The following CHRM5 variants were observed in gnomAD, a reference collection of about 807,000 sequenced individuals.
CHRM5 encodes the protein cholinergic receptor muscarinic 5, also known as muscarinic acetylcholine receptor M5.
A neutral mutation model predicts 39.0 loss-of-function variants in CHRM5; 18 were observed. That is an observed-to-expected ratio of 0.46 (90% CI 0.32 to 0.68). CHRM5 has a LOEUF of 0.68. Ranked by LOEUF, CHRM5 falls within the 30% of genes least tolerant of loss-of-function variation. The probability of loss-of-function intolerance (pLI) is 0.04; values close to 1 mark genes in which losing one functional copy is unlikely to be tolerated. For missense variants in CHRM5, 515 were observed against 651.1 expected (o/e 0.79, Z 2.28); for synonymous variants, 241 against 246.3 (o/e 0.98, Z 0.20).
Position 34,064,247 on chromosome 15 carries a change from T to C in CHRM5, c.1530T>C (p.Leu510=). The C allele has an allele frequency of 6.2e-6, 10 of 1,614,118 alleles. No individual in the cohort carries two copies. The highest frequency in any genetic ancestry group is 8.5e-6 in the Non-Finnish European group (10 of 1,180,026). ...TCAGGAAGACCTTTAAGATGCTGCT[T>C]CTCTGCCGATGGAAAAAGAAAAAAG... ...RTFRKTFKML[L]LCRWKKKKVE... Residue 510 remains leucine, a synonymous_variant, in exon 3 of 3, where the codon CTT becomes CTC. Transcript: ENST00000383263.
intron 1 of CHRM5, among the ~76,000 whole-genome samples, chr15:33,986,544 G>C (rs1378474031): frequency 6.6e-6 from 1 of 152,146 alleles, no homozygotes; most frequent in Non-Finnish European, 1.5e-5. Context: ...CAAGCTTTCT[G>C]AAACTTAATG....
At chr15:34,017,639 C>G (rs1179546877) in intron 1 of CHRM5, among the ~76,000 whole-genome samples, 1 of 151,972 alleles carries the variant, frequency 6.6e-6, no homozygotes, top group Admixed American at 6.6e-5. Flanking sequence ...GCCACCACAC[C>G]CAGCTAATTT....
At chr15:34,031,169 T>TA (rs1555518494) in intron 1 of CHRM5, among the ~76,000 whole-genome samples, 2 of 1,144 alleles carry the variant, frequency 1.7e-3, no homozygotes, top group African/African-American at 4.1e-3. Context: ...CTTAGGTTAA[T>TA]TTTTTTTTTT....
At chr15:34,030,645 T>C (rs1029573629) in intron 1 of CHRM5, among the ~76,000 whole-genome samples, 1 of 152,020 alleles carries the variant, frequency 6.6e-6, no homozygotes, top group African/African-American at 2.4e-5. Context: ...GGGGGTTTTG[T>C]TGAGAAAGAG....
chr15:34,038,830 G>C (rs1453574027), intron 1 of CHRM5: 2 of 1,189,400 alleles, frequency 1.7e-6, no homozygotes, highest in Non-Finnish European at 2.1e-6. Context: ...CGGCTGCCTC[G>C]CGGGGCGCCT....
At chr15:34,029,946 G>C (rs1222651153) in intron 1 of CHRM5, among the ~76,000 whole-genome samples, 1 of 152,080 alleles carries the variant, frequency 6.6e-6, no homozygotes, top group Non-Finnish European at 1.5e-5. Context: ...GTGAACTCTA[G>C]ATTCACAATA....
chr15:34,002,699 A>G (rs562639801), intron 1 of CHRM5, among the ~76,000 whole-genome samples: 8 of 152,370 alleles, frequency 5.3e-5, no homozygotes, highest in Middle Eastern at 6.8e-3. Context: ...CTACAAATAT[A>G]AGGAATGTTT....
At chr15:33,974,472 G>A (rs1474540359) in intron 1 of CHRM5, among the ~76,000 whole-genome samples, 2 of 152,116 alleles carry the variant, frequency 1.3e-5, no homozygotes, top group African/African-American at 4.8e-5. Flanking sequence ...CAGGGACAAA[G>A]GCTAAAAGAC....
chr15:34,047,827 C>A (rs540793920), intron 2 of CHRM5, among the ~76,000 whole-genome samples: 13 of 152,204 alleles, frequency 8.5e-5, no homozygotes, highest in African/African-American at 2.9e-4. Flanking sequence ...CGGCTTACTG[C>A]AACCTCTGCC....
chr15:34,022,913 C>T (rs1898268076), intron 1 of CHRM5, among the ~76,000 whole-genome samples: 1 of 152,186 alleles, frequency 6.6e-6, no homozygotes, highest in Non-Finnish European at 1.5e-5. Flanking sequence ...TGAGGCCGGG[C>T]GCGGTGGCTC....
chr15:33,974,409 T>A (rs2140504682), intron 1 of CHRM5, among the ~76,000 whole-genome samples: 1 of 152,356 alleles, frequency 6.6e-6, no homozygotes, highest in Middle Eastern at 3.4e-3. Context: ...CCAAGTCATC[T>A]CTTCTCCTTA....
At chr15:33,981,836 T>G (rs1234564864) in intron 1 of CHRM5, among the ~76,000 whole-genome samples, 7 of 151,972 alleles carry the variant, frequency 4.6e-5, no homozygotes, top group African/African-American at 1.7e-4. Flanking sequence ...ATAAACAAGT[T>G]TTGTTTTTTT....
intron 1 of CHRM5, among the ~76,000 whole-genome samples, chr15:33,993,151 T>G (rs1167316430): frequency 6.6e-6 from 1 of 152,162 alleles, no homozygotes; most frequent in Non-Finnish European, 1.5e-5. Flanking sequence ...ATTTGACTTT[T>G]GGGGAAAAAA....
intron 1 of CHRM5, among the ~76,000 whole-genome samples, chr15:34,030,761 C>T (rs897158308): frequency 3.3e-5 from 5 of 152,144 alleles, no homozygotes; most frequent in Middle Eastern, 6.8e-3. Context: ...GGAATACAGG[C>T]GTGCACCACC....
chr15:34,011,251 G>A (rs559834264), intron 1 of CHRM5, among the ~76,000 whole-genome samples: 37 of 152,122 alleles, frequency 2.4e-4, no homozygotes, highest in African/African-American at 8.0e-4. Flanking sequence ...GGGGAACTAC[G>A]CTAGCAAAAA....
At chr15:34,049,796 C>G (rs1218208751) in intron 2 of CHRM5, among the ~76,000 whole-genome samples, 1 of 151,710 alleles carries the variant, frequency 6.6e-6, no homozygotes, top group Non-Finnish European at 1.5e-5. Flanking sequence ...AGGGCCAGTT[C>G]ACCTACAAAA....
At chr15:34,038,554 T>C (rs1210213876) in intron 1 of CHRM5, among the ~76,000 whole-genome samples, 3 of 150,108 alleles carry the variant, frequency 2.0e-5, no homozygotes, top group African/African-American at 7.5e-5. Context: ...CCCCACTGTC[T>C]CGCGCCAGCC....
chr15:34,000,079 A>G (rs1897080550), intron 1 of CHRM5, among the ~76,000 whole-genome samples: 1 of 152,032 alleles, frequency 6.6e-6, no homozygotes, highest in Admixed American at 6.6e-5. Context: ...TTTGCCTGGG[A>G]CACTTTTCCC....
chr15:33,990,339 G>A lies in CHRM5; in HGVS notation c.-408+21189G>A, dbSNP rs541348821. On this transcript the variant is annotated intron_variant, in intron 1 of 2. Transcript: ENST00000383263. ...AGAGGCTGCAGTGAGCCGAGATCAC[G>A]CCACTGCCCTCCAGCATGGGCGACA... Among the ~76,000 whole-genome samples the A allele has an allele frequency of 5.9e-5, 9 of 152,104 alleles. 1 individual carries two copies. In the South Asian group the frequency reaches 1.2e-3, roughly 21 times the overall value.
Sources: gnomAD v4.1 joint callset for allele counts (sites outside exome capture counted in the v4.1 genomes callset) on GRCh38, gnomAD v4.1.1 for gene constraint, MANE v1.5 for transcripts, NCBI Gene and HGNC (gene_info 2026-07-23, HGNC 2026-07-21) for gene names.